CAT: variants seen among roughly 807,000 people sequenced by gnomAD.
The protein encoded by CAT is catalase.
In CAT, 43 loss-of-function variants were observed where a neutral mutation model predicts 59.0. The ratio of observed to expected loss-of-function variants is 0.73; its 90% confidence interval spans 0.57 to 0.94. CAT has a LOEUF of 0.94. Among genes scored for constraint, CAT ranks in the 40% least tolerant of loss-of-function variants. The probability of loss-of-function intolerance (pLI) is 0.00; values close to 1 mark genes in which losing one functional copy is unlikely to be tolerated. For synonymous variants in CAT, 218 were observed against 230.9 expected (o/e 0.94, Z 0.51); for missense variants, 664 against 682.9 (o/e 0.97, Z 0.31).
intron 10 of CAT, among the ~76,000 whole-genome samples, chr11:34,466,548 T>C (rs508370): frequency 0.71 from 107,048 of 151,732 alleles, 39,631 homozygotes; most frequent in East Asian, 0.97. Flanking sequence ...GAGGCTGAGG[T>C]GGGCGGATCA....
chr11:34,458,667 T>C (rs979593783), intron 8 of CAT, among the ~76,000 whole-genome samples: 2 of 152,156 alleles, frequency 1.3e-5, no homozygotes, highest in Non-Finnish European at 2.9e-5. Flanking sequence ...AGGGAACGGA[T>C]TGAGGAATAC....
At chr11:34,456,586 GA>G in intron 7 of CAT, 78 bp from the exon 8 acceptor site, 1 of 1,318,724 alleles carries the variant, frequency 7.6e-7, no homozygotes, top group Non-Finnish European at 1.1e-6. Flanking sequence ...GATTGTATTT[GA>G]AATCTGGTAT....
chr11:34,450,864 A>C (rs1856515921), intron 2 of CAT, 124 bp from the exon 3 acceptor site: 1 of 779,552 alleles, frequency 1.3e-6, no homozygotes, highest in African/African-American at 1.7e-5. Flanking sequence ...TTCCTCCAAC[A>C]TACTGGAAGC....
At chr11:34,466,804 AG>A (rs1349618894) in intron 10 of CAT, among the ~76,000 whole-genome samples, 5 of 147,824 alleles carry the variant, frequency 3.4e-5, no homozygotes, top group African/African-American at 1.3e-4. Flanking sequence ...AAAAAAAAAA[AG>A]AAAATAGATG....
chr11:34,461,091 A>ATG, intron 8 of CAT, 160 bp from the exon 9 acceptor site: 1 of 808,342 alleles, frequency 1.2e-6, no homozygotes, highest in Non-Finnish European at 2.2e-6. Flanking sequence ...CTCGTTTCAT[A>ATG]AGAGTAGAGG....
intron 8 of CAT, chr11:34,457,038 CCCTA>C (rs201146289): frequency 1.8e-6 from 1 of 559,742 alleles, no homozygotes; most frequent in South Asian, 2.1e-5. Flanking sequence ...ATGGTAAGAT[CCCTA>C]CATATGTGAA....
intron 4 of CAT, among the ~76,000 whole-genome samples, chr11:34,452,734 AG>A (rs1472776855): frequency 6.6e-6 from 1 of 152,062 alleles, no homozygotes; most frequent in Non-Finnish European, 1.5e-5. Flanking sequence ...TCATGCCTAT[AG>A]TCCCAGCTAC....
intron 1 of CAT, among the ~76,000 whole-genome samples, chr11:34,445,492 T>G (rs1856439651): frequency 4.2e-5 from 1 of 23,844 alleles, no homozygotes; most frequent in African/African-American, 3.8e-4. Context: ...CGAGACTCCA[T>G]CTCAAAAAAA....
chr11:34,460,345 T>C (rs1457580764), intron 8 of CAT, among the ~76,000 whole-genome samples: 3 of 152,188 alleles, frequency 2.0e-5, no homozygotes, highest in Admixed American at 2.0e-4. Context: ...GGCTTTCATT[T>C]TGAACCACAG....
At chr11:34,470,307 C>T (rs1042300394) in intron 11 of CAT, among the ~76,000 whole-genome samples, 5 of 152,176 alleles carry the variant, frequency 3.3e-5, no homozygotes, top group South Asian at 2.1e-4. Context: ...GGGAAGGCCT[C>T]GGAGCTTCTG....
intron 6 of CAT, among the ~76,000 whole-genome samples, chr11:34,454,636 A>G (rs189013949): frequency 2.0e-5 from 3 of 152,342 alleles, no homozygotes; most frequent in South Asian, 2.1e-4. Flanking sequence ...TAATGTAGGT[A>G]TATCAAACAG....
At chr11:34,456,926 C>A in intron 8 of CAT, 109 bp downstream of exon 8, 2 of 1,181,162 alleles carry the variant, frequency 1.7e-6, no homozygotes, top group South Asian at 2.6e-5. Context: ...AAGAACATTA[C>A]TTAAACTTTA....
At chr11:34,451,976 T>C (rs981152183) in intron 3 of CAT, 101 bp from the exon 4 acceptor site, 1 of 1,265,164 alleles carries the variant, frequency 7.9e-7, no homozygotes, top group East Asian at 2.3e-5. Flanking sequence ...TTCTTGGAAG[T>C]GGATTAGAAA....
At chr11:34,455,557 CA>C (rs948650900) in intron 6 of CAT, among the ~76,000 whole-genome samples, 3 of 148,510 alleles carry the variant, frequency 2.0e-5, no homozygotes, top group Admixed American at 6.7e-5. Context: ...AGGAATAGGA[CA>C]GGGGTGAAGG....
At chr11:34,452,938 G>A in intron 4 of CAT, 152 bp from the exon 5 acceptor site, 1 of 648,216 alleles carries the variant, frequency 1.5e-6, no homozygotes, top group Non-Finnish European at 2.8e-6. Flanking sequence ...TCTATGCTGA[G>A]TAAATTTCAT....
At position 34,453,590 on chromosome 11, in the gene CAT, A is replaced by G. The variant is rs149259691; in HGVS notation, c.586-211A>G. Among the ~76,000 whole-genome samples the G allele has an allele frequency of 4.1e-3, 622 of 152,302 alleles. 6 individuals are homozygous for G. Among genetic ancestry groups the G allele is most frequent in the African/African-American group, 0.015 (603 of 41,554 alleles). Reference sequence around the variant, plus strand: ...TTTCCTTCATAGAATTTTGAGTCATAGTATTAGTGATTTGCATATCATTTT... The same window carrying G: ...TTTCCTTCATAGAATTTTGAGTCATGGTATTAGTGATTTGCATATCATTTT... On this transcript the variant is annotated intron_variant, in intron 5 of 12. Transcript: ENST00000241052.
At chr11:34,446,828 G>A (rs1171102635) in intron 1 of CAT, among the ~76,000 whole-genome samples, 2 of 150,926 alleles carry the variant, frequency 1.3e-5, no homozygotes, top group South Asian at 2.1e-4. Flanking sequence ...CGCAACCTCC[G>A]CCTGCTGGGT....
intron 1 of CAT, among the ~76,000 whole-genome samples, chr11:34,443,718 G>A (rs372958035): frequency 1.5e-4 from 23 of 152,230 alleles, no homozygotes; most frequent in African/African-American, 5.5e-4. Context: ...CTTATTACCT[G>A]GGAGAGAGGT....
At chr11:34,467,205 A>T (rs1394227652) in intron 10 of CAT, among the ~76,000 whole-genome samples, 2 of 152,246 alleles carry the variant, frequency 1.3e-5, no homozygotes, top group Non-Finnish European at 2.9e-5. Flanking sequence ...AAATAACCAA[A>T]TAATATTTTC....
Sources: gnomAD v4.1 joint callset for allele counts (sites outside exome capture counted in the v4.1 genomes callset) on GRCh38, gnomAD v4.1.1 for gene constraint, MANE v1.5 for transcripts, NCBI Gene and HGNC (gene_info 2026-07-23, HGNC 2026-07-21) for gene names.